The following TMEM209 variants were observed in gnomAD, a reference collection of about 807,000 sequenced individuals.
TMEM209 encodes testicular tissue protein Li 202.
TMEM209 carries 65 observed loss-of-function variants against 76.2 expected under a neutral mutation model. The observed-to-expected ratio is 0.85, with a 90% CI of 0.70 to 1.05. The LOEUF (loss-of-function observed/expected upper bound fraction) is 1.05. Ranked by LOEUF, TMEM209 falls within the 50% of genes least tolerant of loss-of-function variation. TMEM209 has a pLI of 0.00. For missense variants in TMEM209, 623 were observed against 685.5 expected (o/e 0.91, Z 1.02); for synonymous variants, 239 against 237.6 (o/e 1.01, Z -0.06).
At chr7:130,192,426 CTTAGT>C in intron 6 of TMEM209, 191 bp downstream of exon 6, 1 of 552,608 alleles carries the variant, frequency 1.8e-6, no homozygotes, top group Non-Finnish European at 3.2e-6. Flanking sequence ...TTTGAGATTT[CTTAGT>C]TTAGCTATAT....
intron 6 of TMEM209, among the ~76,000 whole-genome samples, chr7:130,191,965 A>G (rs978754705): frequency 6.6e-6 from 1 of 152,216 alleles, no homozygotes; most frequent in African/African-American, 2.4e-5. Flanking sequence ...CAAGCGACAC[A>G]AAGAGTCATG....
chr7:130,176,896 T>C (rs949966828), intron 10 of TMEM209, among the ~76,000 whole-genome samples: 1 of 151,962 alleles, frequency 6.6e-6, no homozygotes, highest in Non-Finnish European at 1.5e-5. Flanking sequence ...CTCACTCCTA[T>C]AATCCCAGCA....
chr7:130,185,046 CA>C lies in TMEM209; in HGVS notation c.951+145del, dbSNP rs1797549611. On this transcript the variant is annotated intron_variant, in intron 7 of 14. Transcript: ENST00000397622. ...TTAGTTTTAGGCACACAAAGTAAGA[CA>C]GGAGCTTTCCCACTGCCTAATGTGT... 4 of 929,490 alleles carry C rather than the reference CA, an allele frequency of 4.3e-6. No individual in the cohort carries two copies. The Admixed American group carries it at 1.2e-4, about 28-fold the overall frequency. 57.6% of individuals were successfully genotyped at this position (929,490 alleles called of 1,614,324 possible). A position where few individuals can be genotyped will look rare whatever the true frequency, so the allele number is the denominator to read the frequency against.
At chr7:130,171,424 G>A (rs1031870089) in intron 13 of TMEM209, among the ~76,000 whole-genome samples, 65 of 151,864 alleles carry the variant, frequency 4.3e-4, no homozygotes, top group African/African-American at 1.4e-3. Flanking sequence ...AATTTAATGT[G>A]TTTTTAACTC....
At chr7:130,200,693 TTACCTA>T in intron 5 of TMEM209, among the ~76,000 whole-genome samples, 1 of 152,134 alleles carries the variant, frequency 6.6e-6, no homozygotes, top group East Asian at 1.9e-4. Flanking sequence ...AAAGTCACAT[TTACCTA>T]TGAGTTATTA....
Position 130,202,178 on chromosome 7 carries a change from T to C in TMEM209, c.332-87A>G, listed in dbSNP as rs145658082. On this transcript the variant is annotated intron_variant, in intron 4 of 14. Coordinates refer to ENST00000397622, the MANE Select transcript of TMEM209 (RefSeq NM_032842.4). ...TATTTAAGCAACTAAGTCTTTCTCT[T>C]AAGGGAAAAAAGTTAACAGAGTTAC... 174 of 1,472,636 alleles carry C rather than the reference T, an allele frequency of 1.2e-4. 1 individual carries two copies. In the Middle Eastern group the frequency reaches 3.2e-3, roughly 27 times the overall value. The allele number at this position is 1,472,636 out of a possible 1,614,324, so 91.2% of individuals were successfully genotyped here.
At chr7:130,189,493 A>G (rs1797721307) in intron 6 of TMEM209, among the ~76,000 whole-genome samples, 1 of 152,146 alleles carries the variant, frequency 6.6e-6, no homozygotes, top group Non-Finnish European at 1.5e-5. Flanking sequence ...CACTGAGCCC[A>G]GCCCATATTG....
At chr7:130,189,792 T>C (rs1320678230) in intron 6 of TMEM209, among the ~76,000 whole-genome samples, 1 of 152,228 alleles carries the variant, frequency 6.6e-6, no homozygotes, top group African/African-American at 2.4e-5. Flanking sequence ...CATATATCTG[T>C]GTATATGTCC....
rs756194942 is a variant in TMEM209 at position 130,185,189 on chromosome 7, T to TA, written c.951+2dup. On this transcript the variant is annotated splice_region_variant and intron_variant, in intron 7 of 14. Coordinates refer to ENST00000397622, the MANE Select transcript of TMEM209 (RefSeq NM_032842.4). ...TATTAAGTCACTTTTATTTTCCACT[T>TA]ACCTCTTCTGCGGCTTGTTTAGAGC... 5 of 1,607,890 alleles carry TA rather than the reference T, an allele frequency of 3.1e-6. No individual in the cohort carries two copies. In the South Asian group the frequency reaches 5.5e-5, roughly 18 times the overall value.
At chr7:130,178,777 T>C (rs998781950) in intron 9 of TMEM209, among the ~76,000 whole-genome samples, 1 of 152,070 alleles carries the variant, frequency 6.6e-6, no homozygotes, top group African/African-American at 2.4e-5. Flanking sequence ...TTTTTTCTTC[T>C]TCTCTTTTTG....
chr7:130,186,441 T>A (rs1797600784), intron 6 of TMEM209, among the ~76,000 whole-genome samples: 1 of 152,110 alleles, frequency 6.6e-6, no homozygotes, highest in South Asian at 2.1e-4. Flanking sequence ...CTGTATGAAA[T>A]TCTGGCAAAA....
chr7:130,177,220 G>A (rs1286378564), intron 10 of TMEM209, among the ~76,000 whole-genome samples: 8 of 151,542 alleles, frequency 5.3e-5, no homozygotes, highest in South Asian at 2.1e-4. Context: ...GCATGGTGGT[G>A]TGTGCCTGTA....
At position 130,178,395 on chromosome 7, in the gene TMEM209, T is replaced by TA; in HGVS notation, c.1246+6dup. On this transcript the variant is annotated splice_region_variant and intron_variant, in intron 10 of 14. Coordinates refer to ENST00000397622, the MANE Select transcript of TMEM209 (RefSeq NM_032842.4). ...TCTTATTTTTTTCTCTTCAAATCAA[T>TA]AATTACCTTTGATCCTTTCAAACAA... 1.9e-6 allele frequency: 3 copies of TA among 1,599,100 alleles called. No homozygotes were observed. Among genetic ancestry groups the TA allele is most frequent in the Non-Finnish European group, 2.6e-6 (3 of 1,172,156 alleles).
chr7:130,197,952 C>T (rs1455495296), intron 5 of TMEM209, among the ~76,000 whole-genome samples: 1 of 152,218 alleles, frequency 6.6e-6, no homozygotes, highest in African/African-American at 2.4e-5. Context: ...TCACATACCA[C>T]ACAATTCACT....
chr7:130,181,534 C>T, intron 9 of TMEM209, 89 bp downstream of exon 9: 4 of 1,148,380 alleles, frequency 3.5e-6, no homozygotes, highest in Non-Finnish European at 5.0e-6. Flanking sequence ...CCCAAGGTAA[C>T]AAAATAAGTT....
chr7:130,189,358 G>A (rs1389512524), intron 6 of TMEM209, among the ~76,000 whole-genome samples: 2 of 151,902 alleles, frequency 1.3e-5, no homozygotes, highest in Non-Finnish European at 2.9e-5. Flanking sequence ...ACCAAGCCTC[G>A]CTAATTTTTT....
intron 10 of TMEM209, among the ~76,000 whole-genome samples, chr7:130,177,614 G>C (rs1301204960): frequency 2.0e-5 from 3 of 152,034 alleles, no homozygotes; most frequent in Non-Finnish European, 4.4e-5. Flanking sequence ...TGACATGAGG[G>C]CTTGCTTCAA....
chr7:130,179,899 G>A (rs1485023591), intron 9 of TMEM209, among the ~76,000 whole-genome samples: 1 of 152,194 alleles, frequency 6.6e-6, no homozygotes, highest in Non-Finnish European at 1.5e-5. Context: ...CCAGGAGGCT[G>A]AGGCTGTAGT....
chr7:130,195,437 G>A (rs774342903), intron 5 of TMEM209, among the ~76,000 whole-genome samples: 3 of 151,988 alleles, frequency 2.0e-5, no homozygotes, highest in Non-Finnish European at 4.4e-5. Flanking sequence ...ATGACTGTAA[G>A]CTATTGATTT....
Sources: gnomAD v4.1 joint callset for allele counts (sites outside exome capture counted in the v4.1 genomes callset) on GRCh38, gnomAD v4.1.1 for gene constraint, MANE v1.5 for transcripts, NCBI Gene and HGNC (gene_info 2026-07-23, HGNC 2026-07-21) for gene names.